CALD1: variants seen among roughly 807,000 people sequenced by gnomAD.
CALD1 encodes caldesmon 1.
A neutral mutation model predicts 99.9 loss-of-function variants in CALD1; 33 were observed. The observed-to-expected ratio is 0.33, with a 90% CI of 0.25 to 0.44. The LOEUF is 0.44. Ranked by LOEUF, CALD1 falls within the 20% of genes least tolerant of loss-of-function variation. The pLI is 1.00. For synonymous variants in CALD1, 310 were observed against 325.0 expected (o/e 0.95, Z 0.50); for missense variants, 861 against 962.1 (o/e 0.89, Z 1.39).
intron 3 of CALD1, among the ~76,000 whole-genome samples, chr7:134,897,765 G>A (rs548344685): frequency 6.6e-6 from 1 of 152,224 alleles, no homozygotes; most frequent in Non-Finnish European, 1.5e-5. Context: ...GGAGTGCAGT[G>A]GCACAACCTT....
At chr7:134,897,509 T>G (rs1235934172) in intron 3 of CALD1, among the ~76,000 whole-genome samples, 2 of 152,002 alleles carry the variant, frequency 1.3e-5, no homozygotes, top group African/African-American at 4.8e-5. Flanking sequence ...GGTCATCCAC[T>G]AAATAGATTT....
At chr7:134,833,277 T>G (rs1341887653) in intron 1 of CALD1, among the ~76,000 whole-genome samples, 1 of 152,216 alleles carries the variant, frequency 6.6e-6, no homozygotes, top group Non-Finnish European at 1.5e-5. Context: ...AATACTATCC[T>G]TTGGAGATAA....
chr7:134,948,576 G>C (rs1807093167), intron 8 of CALD1, among the ~76,000 whole-genome samples: 1 of 152,226 alleles, frequency 6.6e-6, no homozygotes, highest in African/African-American at 2.4e-5. Context: ...CTTATTTGAA[G>C]ATTCTTGACT....
intron 1 of CALD1, among the ~76,000 whole-genome samples, chr7:134,780,727 G>T (rs1034562543): frequency 4.6e-5 from 7 of 152,162 alleles, no homozygotes; most frequent in African/African-American, 1.7e-4. Flanking sequence ...AAAAGTGGAT[G>T]AGAACAAAGT....
chr7:134,721,454 T>C, the CALD1 span, among the ~76,000 whole-genome samples: 33 of 152,028 alleles, frequency 2.2e-4, no homozygotes, highest in Non-Finnish European at 2.9e-5. Flanking sequence ...ATTAAAAAAC[T>C]TAGAATTCCT....
At chr7:134,868,119 G>T in intron 3 of CALD1, 1 of 166,684 alleles carries the variant, frequency 6.0e-6, no homozygotes. Flanking sequence ...GGTTTAAAAA[G>T]CTTATATAAT....
intron 1 of CALD1, among the ~76,000 whole-genome samples, chr7:134,755,594 G>A (rs1796720733): frequency 6.6e-6 from 1 of 152,168 alleles, no homozygotes; most frequent in African/African-American, 2.4e-5. Context: ...AATTCACATT[G>A]TAGTCTACTT....
intron 7 of CALD1, chr7:134,944,388 G>A (rs981410759): frequency 4.7e-5 from 7 of 149,086 alleles, no homozygotes; most frequent in African/African-American, 1.5e-4. Context: ...AGTGCACTCT[G>A]ATATTTTCTG....
chr7:134,734,918 C>T, the CALD1 span: 1 of 165,344 alleles, frequency 6.0e-6, no homozygotes, highest in Admixed American at 6.3e-5. Flanking sequence ...TCCTCCTCAT[C>T]CCACTCCTTA....
chr7:134,965,247 A>T (rs1563139742), intron 13 of CALD1, 59 bp from the exon 14 acceptor site: 1 of 826,818 alleles, frequency 1.2e-6, no homozygotes, highest in Non-Finnish European at 2.2e-6. Flanking sequence ...ATTTATTTAG[A>T]GCTGGCTAGA....
chr7:134,848,493 A>G (rs1479505284), intron 2 of CALD1, among the ~76,000 whole-genome samples: 2 of 152,228 alleles, frequency 1.3e-5, no homozygotes, highest in Admixed American at 6.5e-5. Flanking sequence ...AAGAAGGCCA[A>G]TGTTAATAAT....
intron 3 of CALD1, among the ~76,000 whole-genome samples, chr7:134,912,376 A>C (rs1803878351): frequency 1.3e-5 from 2 of 152,186 alleles, no homozygotes. Context: ...CATGAAATAG[A>C]CCTGTACTGA....
At chr7:134,740,958 A>G (rs1012105812), upstream of CALD1, among the ~76,000 whole-genome samples, 1 of 152,192 alleles carries the variant, frequency 6.6e-6, no homozygotes, top group Non-Finnish European at 1.5e-5. Flanking sequence ...AATTCTATGA[A>G]ATTATTCTAC....
At chr7:134,782,796 C>T (rs1278113327) in intron 1 of CALD1, among the ~76,000 whole-genome samples, 2 of 152,182 alleles carry the variant, frequency 1.3e-5, no homozygotes, top group Non-Finnish European at 2.9e-5. Context: ...CCTAGTATCC[C>T]TAATGATCTC....
At chr7:134,900,010 T>C (rs184764212) in intron 3 of CALD1, 1 of 152,232 alleles carries the variant, frequency 6.6e-6, no homozygotes, top group East Asian at 1.9e-4. Flanking sequence ...GTTCTCCAAA[T>C]CACTCTACCT....
At position 134,771,636 on chromosome 7, in the gene CALD1, T is replaced by G. The variant is rs1585905522; in HGVS notation, c.-130+27273T>G. On this transcript the variant is annotated intron_variant, in intron 1 of 13. Transcript: ENST00000417172. ...GTAGACACAGTGCTTTTTTTTTTCC[T>G]GCCTCAAACTCTTCCAATGACCTTC... Among the ~76,000 whole-genome samples the G allele has an allele frequency of 3.9e-5, 6 of 152,244 alleles. No individual in the cohort carries two copies. The East Asian group carries it at 1.2e-3, about 29-fold the overall frequency.
At chr7:134,744,870 C>A (rs1796621868) in intron 1 of CALD1, among the ~76,000 whole-genome samples, 1 of 152,142 alleles carries the variant, frequency 6.6e-6, no homozygotes, top group Non-Finnish European at 1.5e-5. Context: ...AGAAGCAGCC[C>A]ACCTTTCTCT....
intron 3 of CALD1, among the ~76,000 whole-genome samples, chr7:134,869,592 G>A (rs1162401750): frequency 6.6e-6 from 1 of 152,182 alleles, no homozygotes; most frequent in Non-Finnish European, 1.5e-5. Context: ...CATCTGAGGA[G>A]CTGGAAGGAA....
At chr7:134,732,297 A>C in the CALD1 span, among the ~76,000 whole-genome samples, 27 of 152,310 alleles carry the variant, frequency 1.8e-4, no homozygotes, top group African/African-American at 5.1e-4. Flanking sequence ...CAATGCCTAA[A>C]GCTTACACAA....
Sources: allele counts gnomAD v4.1 joint callset (sites outside exome capture counted in the v4.1 genomes callset), GRCh38; gene constraint gnomAD v4.1.1; transcripts MANE v1.5; gene names NCBI Gene and HGNC (gene_info 2026-07-23, HGNC 2026-07-21).